Variants in RIN3 observed in about 807,000 individuals in gnomAD.
RIN3 encodes RAB5 interacting protein 3.
In RIN3, 54 loss-of-function variants were observed where a neutral mutation model predicts 76.3. The observed-to-expected ratio is 0.71, with a 90% confidence interval of 0.57 to 0.89. RIN3 has a LOEUF of 0.89. RIN3 is among the 40% of genes least tolerant of loss of function. The pLI is 0.00. For missense variants in RIN3, 1,256 were observed against 1,322.1 expected, an observed-to-expected ratio of 0.95 and a Z score of 0.78; for synonymous variants, 576 against 564.0, an observed-to-expected ratio of 1.02 and a Z score of -0.30.
At chr14:92,661,416 C>A (rs567391782) in intron 7 of RIN3, among the ~76,000 whole-genome samples, 9 of 152,220 alleles carry the variant, frequency 5.9e-5, no homozygotes, top group Admixed American at 5.2e-4. Flanking sequence ...TTGTGTCCTG[C>A]GACCATGTGT....
chr14:92,547,785 C>G (rs1320919647), intron 1 of RIN3, among the ~76,000 whole-genome samples: 3 of 152,106 alleles, frequency 2.0e-5, no homozygotes, highest in Non-Finnish European at 4.4e-5. Flanking sequence ...CTCACTGCAA[C>G]CTCTGCATCC....
At chr14:92,604,980 C>T (rs58531216) in intron 3 of RIN3, among the ~76,000 whole-genome samples, 18,404 of 139,120 alleles carry the variant, frequency 0.13, 1,740 homozygotes, top group Admixed American at 0.29. Flanking sequence ...GCAGGCTGGA[C>T]CTCATTGCAA....
intron 6 of RIN3, among the ~76,000 whole-genome samples, chr14:92,655,908 C>G (rs1158207567): frequency 6.6e-6 from 1 of 152,100 alleles, no homozygotes; most frequent in African/African-American, 2.4e-5. Flanking sequence ...TATTAGATAC[C>G]AGGTGGGGAG....
At chr14:92,658,347 G>C (rs576417487) in intron 6 of RIN3, among the ~76,000 whole-genome samples, 1 of 152,244 alleles carries the variant, frequency 6.6e-6, no homozygotes, top group African/African-American at 2.4e-5. Context: ...CAAAGGCCCC[G>C]GGGCAGGAGC....
intron 4 of RIN3, among the ~76,000 whole-genome samples, chr14:92,636,457 G>A (rs377766548): frequency 6.6e-6 from 1 of 152,258 alleles, no homozygotes; most frequent in African/African-American, 2.4e-5. Flanking sequence ...GGTGGCACAC[G>A]CCTGTAATCC....
At chr14:92,611,682 G>T (rs1350493249) in intron 3 of RIN3, among the ~76,000 whole-genome samples, 1 of 152,232 alleles carries the variant, frequency 6.6e-6, no homozygotes, top group Non-Finnish European at 1.5e-5. Context: ...GTGTGTTAGA[G>T]ATTCACACGT....
chr14:92,577,448 T>TCGA lies in RIN3; in HGVS notation c.339_341dup (p.Leu113_Glu114insAsp). 1 of 1,613,166 alleles carries TCGA rather than the reference T, an allele frequency of 6.2e-7. No homozygotes were observed. Among genetic ancestry groups the TCGA allele is most frequent in the Non-Finnish European group, 8.5e-7 (1 of 1,179,320 alleles). On this transcript the variant is annotated inframe_insertion, in exon 3 of 10. Transcript: ENST00000216487. ...CTGAACGAAAGCTCGGCCGAGGTGC[T>TCGA]CGAATACACCATTAAGGAAGAAAAG...
Position 92,652,556 on chromosome 14 carries a change from A to C in RIN3, c.1507A>C (p.Ser503Arg). The change falls in exon 6 of 10, where the codon AGC becomes CGC. Residue 503 changes from serine (S) to arginine (R), a missense_variant. This residue lies in a region of RIN3 where 428 missense variants were observed against 521.2 expected (regional missense o/e 0.82). Coordinates refer to ENST00000216487, the MANE Select transcript of RIN3 (RefSeq NM_024832.5). This position sits in a 1 kb window ranked among gnomAD's most constrained non-coding sequence, Gnocchi z 6.4. Reference protein sequence around the residue: ...PTPGPPREGQSPASQAGTQHP... With the variant: ...PTPGPPREGQRPASQAGTQHP... ...GCCGGGTCCACCCAGAGAGGGCCAA[A>C]GCCCTGCTTCTCAGGCTGGGACTCA... 1 of 1,613,260 alleles carries C rather than the reference A, an allele frequency of 6.2e-7. No homozygotes were observed. The highest frequency in any genetic ancestry group is 8.5e-7 in the Non-Finnish European group (1 of 1,179,888).
intron 3 of RIN3, among the ~76,000 whole-genome samples, chr14:92,601,363 A>G (rs2140088425): frequency 6.6e-6 from 1 of 152,270 alleles, no homozygotes; most frequent in East Asian, 1.9e-4. Context: ...TCCTAGCCTC[A>G]CCGCTTCCTA....
intron 3 of RIN3, among the ~76,000 whole-genome samples, chr14:92,590,946 CA>C (rs1266483943): frequency 6.6e-6 from 1 of 152,106 alleles, no homozygotes; most frequent in Non-Finnish European, 1.5e-5. Context: ...ACTTACAAGA[CA>C]TATTAAAAGG....
intron 1 of RIN3, among the ~76,000 whole-genome samples, chr14:92,518,789 C>CTGTGTGTGTGTG (rs61124300): frequency 0.19 from 24,515 of 128,222 alleles, 2,811 homozygotes; most frequent in Middle Eastern, 0.29. Flanking sequence ...TAAGGGTGGC[C>CTGTGTGTGTGTG]TGTGTGTGTG....
At chr14:92,599,257 A>C (rs4904955) in intron 3 of RIN3, among the ~76,000 whole-genome samples, 1 of 146,876 alleles carries the variant, frequency 6.8e-6, no homozygotes, top group Non-Finnish European at 1.5e-5. Context: ...GGGTGTGAAG[A>C]CTGGAGTTCA....
intron 1 of RIN3, among the ~76,000 whole-genome samples, chr14:92,541,879 A>G (rs1036486739): frequency 2.0e-5 from 3 of 152,262 alleles, no homozygotes; most frequent in African/African-American, 7.2e-5. Context: ...TGCAAATCAT[A>G]TATCTGATAA....
chr14:92,578,355 G>A (rs533210484), intron 3 of RIN3, among the ~76,000 whole-genome samples: 6 of 152,340 alleles, frequency 3.9e-5, no homozygotes, highest in East Asian at 1.9e-4. Flanking sequence ...TCTCTAGGGC[G>A]GGTTTGTTCT....
At chr14:92,624,334 A>G (rs1402962902) in intron 4 of RIN3, among the ~76,000 whole-genome samples, 1 of 152,210 alleles carries the variant, frequency 6.6e-6, no homozygotes, top group Non-Finnish European at 1.5e-5. Flanking sequence ...TCCCTCTTAC[A>G]TCTGCTCCCA....
At chr14:92,650,708 T>C (rs931036005) in intron 5 of RIN3, among the ~76,000 whole-genome samples, 1 of 152,254 alleles carries the variant, frequency 6.6e-6, no homozygotes, top group Non-Finnish European at 1.5e-5. Flanking sequence ...GTAGCATCCC[T>C]GTGTGCTCTT....
intron 7 of RIN3, among the ~76,000 whole-genome samples, chr14:92,661,464 G>GCA (rs1887877146): frequency 6.6e-6 from 1 of 152,200 alleles, no homozygotes; most frequent in South Asian, 2.1e-4. Flanking sequence ...GGTGGCTCAT[G>GCA]CCTGCAATCC....
At chr14:92,674,678 C>G (rs1888399321) in intron 7 of RIN3, among the ~76,000 whole-genome samples, 1 of 151,840 alleles carries the variant, frequency 6.6e-6, no homozygotes, top group Non-Finnish European at 1.5e-5. Flanking sequence ...CACTTGAGGT[C>G]AGGAGTTCAA....
chr14:92,527,684 C>T (rs752941660), intron 1 of RIN3, among the ~76,000 whole-genome samples: 6 of 152,134 alleles, frequency 3.9e-5, no homozygotes, highest in Non-Finnish European at 8.8e-5. Flanking sequence ...TCTTCCTCCG[C>T]AGACCCCCGC....
Sources: gnomAD v4.1 joint callset for allele counts (sites outside exome capture counted in the v4.1 genomes callset) on GRCh38, gnomAD v4.1.1 for gene constraint, gnomAD v4.1.1 regional missense constraint, Gnocchi (gnomAD v3.1) non-coding constraint, MANE v1.5 for transcripts, NCBI Gene and HGNC (gene_info 2026-07-23, HGNC 2026-07-21) for gene names.